The following ZNF326 variants were observed in gnomAD, a reference collection of about 807,000 sequenced individuals.
ZNF326 encodes the protein DBIRD complex subunit ZNF326.
ZNF326 carries 30 observed loss-of-function variants against 63.1 expected under a neutral mutation model. That is an observed-to-expected ratio of 0.48 (90% CI 0.36 to 0.64). ZNF326 has a LOEUF of 0.64. ZNF326 is among the 30% of genes least tolerant of loss of function. The probability of loss-of-function intolerance (pLI) is 0.00; values close to 1 mark genes in which losing one functional copy is unlikely to be tolerated. For synonymous variants in ZNF326, 194 were observed against 228.2 expected (o/e 0.85, Z 1.35); for missense variants, 609 against 720.3 (o/e 0.85, Z 1.77).
rs779706122 is a variant in ZNF326 at position 90,027,545 on chromosome 1, C to T, written c.1593C>T (p.Gly531=). 149 of 1,594,802 alleles carry T rather than the reference C, an allele frequency of 9.3e-5. No homozygotes were observed. The highest frequency in any genetic ancestry group is 1.2e-4 in the Non-Finnish European group (141 of 1,173,026). ...VEEVREGGIE[G]EGNIQGVGEG... ...AAGTGAGAGAAGGAGGAATAGAGGGCGAGGGAAATATACAGGGAGTAGGGG... is the reference window on the plus strand; with the variant it reads ...AAGTGAGAGAAGGAGGAATAGAGGGTGAGGGAAATATACAGGGAGTAGGGG... The change falls in exon 12 of 12, where the codon GGC becomes GGT. Residue 531 remains glycine, a synonymous_variant. Transcript: ENST00000340281.
chr1:90,010,591 A>C (rs528520074), intron 6 of ZNF326, among the ~76,000 whole-genome samples: 1 of 152,296 alleles, frequency 6.6e-6, no homozygotes, highest in African/African-American at 2.4e-5. Flanking sequence ...TCAAACAACC[A>C]GTGAATGGTA....
chr1:90,034,181 C>T lies in ZNF326; in HGVS notation c.*6480C>T, dbSNP rs1160302112. The stretch of plus-strand genomic sequence containing the variant: ...ACAACATACTGCTATTTTTGAAGTT[C>T]TGAGGGAGAACTGTTTTGAATTTAG... On this transcript the variant is annotated 3_prime_UTR_variant, in exon 12 of 12. Transcript: ENST00000340281. 6.6e-6 allele frequency: 1 copy of T among 152,130 alleles called. No homozygotes were observed. The highest frequency in any genetic ancestry group is 2.4e-5 in the African/African-American group (1 of 41,440). The allele number at this position is 152,130 out of a possible 1,614,324, so 9.4% of individuals were successfully genotyped here.
At chr1:90,005,582 T>A (rs1648949136) in intron 4 of ZNF326, 23 of 903,500 alleles carry the variant, frequency 2.5e-5, no homozygotes, top group Non-Finnish European at 2.9e-5. Context: ...TTGAAAATAT[T>A]ATTTATGAAG....
At chr1:90,000,171 TAGA>T (rs1234984749) in intron 2 of ZNF326, among the ~76,000 whole-genome samples, 1 of 152,200 alleles carries the variant, frequency 6.6e-6, no homozygotes, top group African/African-American at 2.4e-5. Context: ...TGAAGCCATT[TAGA>T]AGAAGACTTA....
At chr1:90,021,567 G>C (rs990658724) in intron 10 of ZNF326, among the ~76,000 whole-genome samples, 4 of 151,980 alleles carry the variant, frequency 2.6e-5, no homozygotes, top group African/African-American at 7.2e-5. Flanking sequence ...GGCTTGGCTG[G>C]TTTTATTTAG....
intron 6 of ZNF326, among the ~76,000 whole-genome samples, chr1:90,012,107 T>C (rs1649279977): frequency 6.6e-6 from 1 of 152,172 alleles, no homozygotes; most frequent in African/African-American, 2.4e-5. Context: ...GTGCTAAGAT[T>C]ACAGGCATGA....
At position 90,007,455 on chromosome 1, in the gene ZNF326, A is replaced by T; in HGVS notation, c.320A>T (p.Tyr107Phe). The part of the protein sequence containing the change: ...EPEQSRFGGS[Y>F]GGRFESSYRN... ...GAACAAAGCCGCTTCGGAGGTAGTT[A>T]TGGTGGTCGATTTGAGAGCTCCTAC... is the stretch of plus-strand genomic sequence containing the variant. The change falls in exon 5 of 12, where the codon TAT becomes TTT. Residue 107 changes from tyrosine to phenylalanine, a missense_variant. Coordinates refer to ENST00000340281, the MANE Select transcript of ZNF326 (RefSeq NM_182976.4). This position sits in a 1 kb window ranked among gnomAD's most constrained non-coding sequence, Gnocchi z 4.9. The T allele has an allele frequency of 3.1e-6, 5 of 1,614,016 alleles. No homozygotes were observed. The highest frequency in any genetic ancestry group is 4.2e-6 in the Non-Finnish European group (5 of 1,179,988).
chr1:90,015,152 T>C (rs1289042593), intron 7 of ZNF326, among the ~76,000 whole-genome samples: 1 of 152,204 alleles, frequency 6.6e-6, no homozygotes, highest in African/African-American at 2.4e-5. Flanking sequence ...TCAGAGCAGT[T>C]TTACTTTGAG....
rs904611848 is a variant in ZNF326 at position 90,032,900 on chromosome 1, A to G, written c.*5199A>G. 3.3e-5 allele frequency: 5 copies of G among 152,254 alleles called. No homozygotes were observed. The highest frequency in any genetic ancestry group is 9.6e-5 in the African/African-American group (4 of 41,468). 9.4% of individuals were successfully genotyped at this position (152,254 alleles called of 1,614,324 possible). On this transcript the variant is annotated 3_prime_UTR_variant, in exon 12 of 12. Coordinates refer to ENST00000340281, the MANE Select transcript of ZNF326 (RefSeq NM_182976.4). Reference sequence around the variant, plus strand: ...AAATAGGGGCCATCGAAGTGTGGCAATGCCCTAGGTATATTGTGATTACCA... The same window carrying G: ...AAATAGGGGCCATCGAAGTGTGGCAGTGCCCTAGGTATATTGTGATTACCA...
Position 90,020,812 on chromosome 1 carries a change from A to G in ZNF326, c.1195A>G (p.Met399Val), listed in dbSNP as rs1649732000. Reference sequence around the variant, plus strand: ...TGTAGGTGTTACTGTAGATGATCACATGATGAAGGTAGAGACAGTTCATTG... The same window carrying G: ...TGTAGGTGTTACTGTAGATGATCACGTGATGAAGGTAGAGACAGTTCATTG... The part of the protein sequence containing the change: ...VMEGVTVDDH[M>V]MKVETVHCSA... The change falls in exon 10 of 12, where the codon ATG becomes GTG. Residue 399 changes from methionine (M) to valine (V), a missense_variant. Transcript: ENST00000340281. 2 of 1,611,818 alleles carry G rather than the reference A, an allele frequency of 1.2e-6. No homozygotes were observed. The highest frequency in any genetic ancestry group is 1.7e-6 in the Non-Finnish European group (2 of 1,178,778).
At position 90,032,993 on chromosome 1, in the gene ZNF326, C is replaced by T. The variant is rs897463480; in HGVS notation, c.*5292C>T. ...GAAAAATCTGCCAGCTGTCTATTTC[C>T]CAATTTTCCTTCTGACTGTTCCTTT... On this transcript the variant is annotated 3_prime_UTR_variant, in exon 12 of 12. Transcript: ENST00000340281. The T allele has an allele frequency of 6.6e-6, 1 of 152,152 alleles. No individual in the cohort carries two copies. Among genetic ancestry groups the T allele is most frequent in the Non-Finnish European group, 1.5e-5 (1 of 68,030 alleles). 9.4% of individuals were successfully genotyped at this position (152,152 alleles called of 1,614,324 possible). A position where few individuals can be genotyped will look rare whatever the true frequency, so the allele number is the denominator to read the frequency against.
chr1:90,006,373 A>G (rs773055706), intron 4 of ZNF326: 23 of 983,136 alleles, frequency 2.3e-5, no homozygotes, highest in Non-Finnish European at 2.7e-5. Flanking sequence ...TGCATAAGCT[A>G]TATCCGTAGA....
In ZNF326 at chr1:90,031,651, G is replaced by A. The variant is rs1285411458; in HGVS notation, c.*3950G>A. The A allele has an allele frequency of 1.3e-5, 2 of 151,620 alleles. No individual in the cohort carries two copies. Among genetic ancestry groups the A allele is most frequent in the African/African-American group, 4.9e-5 (2 of 41,230 alleles). 9.4% of individuals were successfully genotyped at this position (151,620 alleles called of 1,614,324 possible). A position where few individuals can be genotyped will look rare whatever the true frequency, so the allele number is the denominator to read the frequency against. On this transcript the variant is annotated 3_prime_UTR_variant, in exon 12 of 12. Transcript: ENST00000340281. ...AGCTCACTGCAATCTCTGCTTCCTGGGTTCAAGCGATTCTTGTGCCTCAGC... is the reference window on the plus strand; with the variant it reads ...AGCTCACTGCAATCTCTGCTTCCTGAGTTCAAGCGATTCTTGTGCCTCAGC...
In ZNF326 at chr1:90,034,730, C is replaced by A. The variant is rs1650415990; in HGVS notation, c.*7029C>A. 1 of 152,100 alleles carries A rather than the reference C, an allele frequency of 6.6e-6. No homozygotes were observed. Among genetic ancestry groups the A allele is most frequent in the Non-Finnish European group, 1.5e-5 (1 of 67,982 alleles). The allele number at this position is 152,100 out of a possible 1,614,324, so 9.4% of individuals were successfully genotyped here. A position where few individuals can be genotyped will look rare whatever the true frequency, so the allele number is the denominator to read the frequency against. ...GAATCTTTATTTTATTTAAGCAGTT[C>A]TAGATTATACAAAATGTTGAAACAT... On this transcript the variant is annotated 3_prime_UTR_variant, in exon 12 of 12. Transcript: ENST00000340281.
At chr1:90,012,288 T>C (rs562944871) in intron 6 of ZNF326, among the ~76,000 whole-genome samples, 1 of 152,332 alleles carries the variant, frequency 6.6e-6, no homozygotes, top group East Asian at 1.9e-4. Context: ...AGGAAGTACT[T>C]ACTAATACAT....
In ZNF326 at chr1:90,033,928, AAG is replaced by A. The variant is rs1302948881; in HGVS notation, c.*6229_*6230del. Reference sequence around the variant, plus strand: ...ATAGAGGAGTTCCAGAAAGTGAAAAAAGAAGTGAAGAATAGGAAAAAAAAAAA... The same window carrying A: ...ATAGAGGAGTTCCAGAAAGTGAAAAAAAGTGAAGAATAGGAAAAAAAAAAA... On this transcript the variant is annotated 3_prime_UTR_variant, in exon 12 of 12. Transcript: ENST00000340281. 1.3e-5 allele frequency: 2 copies of A among 148,648 alleles called. No homozygotes were observed. Among genetic ancestry groups the A allele is most frequent in the Non-Finnish European group, 2.9e-5 (2 of 67,912 alleles). 9.2% of individuals were successfully genotyped at this position (148,648 alleles called of 1,614,324 possible).
At chr1:90,005,083 G>A in intron 3 of ZNF326, 45 bp downstream of exon 3, 1 of 1,613,872 alleles carries the variant, frequency 6.2e-7, no homozygotes, top group Middle Eastern at 1.7e-4. Context: ...TCTTTTGAGT[G>A]CCAGTAAAGG....
chr1:90,027,408 G>A lies in ZNF326; in HGVS notation c.1456G>A (p.Asp486Asn). Residue 486 changes from aspartate (D) to asparagine (N), a missense_variant, in exon 12 of 12, where the codon GAT (aspartate) becomes AAT (asparagine). Asp to Asn is a conservative substitution (Grantham distance 23). Coordinates refer to ENST00000340281, the MANE Select transcript of ZNF326 (RefSeq NM_182976.4). ...TTCTCAGGATCAGCAAATAGAAGGA[G>A]ATGAGGAGGATGAAGAGAAGATTGA... The part of the protein sequence containing the change: ...DHSQDQQIEG[D>N]EEDEEKIDEP... The A allele has an allele frequency of 6.2e-7, 1 of 1,614,032 alleles. No individual in the cohort carries two copies. Among genetic ancestry groups the A allele is most frequent in the Non-Finnish European group, 8.5e-7 (1 of 1,179,996 alleles).
chr1:90,019,890 C>G (rs1649683529), intron 9 of ZNF326, among the ~76,000 whole-genome samples: 1 of 152,054 alleles, frequency 6.6e-6, no homozygotes, highest in South Asian at 2.1e-4. Context: ...CTTCACGTAT[C>G]TTGAGAAGGG....
Sources: allele counts gnomAD v4.1 joint callset (sites outside exome capture counted in the v4.1 genomes callset), GRCh38; gene constraint gnomAD v4.1.1; non-coding constraint Gnocchi (gnomAD v3.1); transcripts MANE v1.5; gene names NCBI Gene and HGNC (gene_info 2026-07-23, HGNC 2026-07-21).